SNRNP27: variants seen among roughly 807,000 people sequenced by gnomAD.
The protein encoded by SNRNP27 is small nuclear ribonucleoprotein U4/U6.U5 subunit 27.
SNRNP27 carries 22 observed loss-of-function variants against 25.1 expected under a neutral mutation model. That is an observed-to-expected ratio of 0.88 (90% CI 0.63 to 1.25). The LOEUF (loss-of-function observed/expected upper bound fraction) is 1.25, where lower values mean the gene tolerates loss of function less well. SNRNP27 is among the 50% of genes most tolerant of loss of function. The pLI, the probability that SNRNP27 is intolerant of heterozygous loss-of-function variation, is 0.00. For missense variants in SNRNP27, 150 were observed against 202.3 expected (o/e 0.74, Z 1.57); for synonymous variants, 66 against 64.9 (o/e 1.02, Z -0.08).
intron 4 of SNRNP27, among the ~76,000 whole-genome samples, chr2:69,902,827 C>T (rs1213151578): frequency 6.6e-6 from 1 of 151,612 alleles, no homozygotes; most frequent in African/African-American, 2.4e-5. Context: ...CCGCTGCTGC[C>T]GCTGCCGCTT....
chr2:69,896,547 T>A lies in SNRNP27; in HGVS notation c.267T>A (p.Thr89=), dbSNP rs748117441. 5 of 1,596,938 alleles carry A rather than the reference T, an allele frequency of 3.1e-6. No individual in the cohort carries two copies. Among genetic ancestry groups the A allele is most frequent in the Admixed American group, 1.7e-5 (1 of 59,566 alleles). ...KETKSKERQI[T]EEDLEGKTEE... is the part of the protein sequence containing the mutation. ...CAAAGAGCAAAGAACGGCAGATTAC[T>A]GGTAATGTTATTAGATAAATAACTG... Residue 89 remains threonine, a splice_region_variant and synonymous_variant, in exon 3 of 6, where the codon ACT becomes ACA. Transcript: ENST00000244227.
intron 4 of SNRNP27, 142 bp from the exon 5 acceptor site, chr2:69,903,039 C>A: frequency 1.6e-6 from 1 of 632,224 alleles, no homozygotes; most frequent in Non-Finnish European, 2.9e-6. Flanking sequence ...AACTCCTGGG[C>A]TCAAGCAATC....
intron 4 of SNRNP27, among the ~76,000 whole-genome samples, chr2:69,898,415 T>G (rs1676637907): frequency 2.7e-5 from 1 of 36,962 alleles, no homozygotes; most frequent in South Asian, 7.9e-4. Flanking sequence ...GAGATGGGTA[T>G]AGAGAGAGGA....
chr2:69,896,570 CTG>C (rs774654583), intron 3 of SNRNP27, 22 bp downstream of exon 3: 3 of 1,576,008 alleles, frequency 1.9e-6, no homozygotes, highest in South Asian at 2.3e-5. Context: ...AGATAAATAA[CTG>C]TAGGAAAAGT....
At position 69,897,378 on chromosome 2, in the gene SNRNP27, G is replaced by C; in HGVS notation, c.270G>C (p.Glu90Asp). ...ETKSKERQIT[E>D]EDLEGKTEEE... ...TCACAAAATTATTCTTTTTTGCAGA[G>C]GAAGACTTAGAGGGCAAAACAGAGG... The change falls in exon 4 of 6, where the codon GAG becomes GAC. Residue 90 changes from glutamate to aspartate, a missense_variant and splice_region_variant. By Grantham distance (45) the Glu-to-Asp change is conservative. This residue lies in a region of SNRNP27 where 142 missense variants were observed against 168.6 expected (regional missense o/e 0.84). Transcript: ENST00000244227. 1 of 1,609,096 alleles carries C rather than the reference G, an allele frequency of 6.2e-7. No individual in the cohort carries two copies. The highest frequency in any genetic ancestry group is 8.5e-7 in the Non-Finnish European group (1 of 1,176,980).
intron 4 of SNRNP27, among the ~76,000 whole-genome samples, chr2:69,900,733 C>CTAAG (rs1299994856): frequency 1.1e-4 from 17 of 152,308 alleles, no homozygotes; most frequent in African/African-American, 3.9e-4. Flanking sequence ...TGATACTCAT[C>CTAAG]TAAGTCATTT....
Position 69,895,227 on chromosome 2 carries a change from A to T in SNRNP27, c.155+13A>T. 6.2e-7 allele frequency: 1 copy of T among 1,610,202 alleles called. No homozygotes were observed. The highest frequency in any genetic ancestry group is 1.1e-5 in the South Asian group (1 of 90,472). On this transcript the variant is annotated intron_variant, in intron 2 of 5. Coordinates refer to ENST00000244227, the MANE Select transcript of SNRNP27 (RefSeq NM_006857.3). ...GAAGACGCTCCCGGTAAGGGCAGAA[A>T]ATAAGCCAAGAGTTTTATTTACCGA...
At chr2:69,903,305 TATTA>T (rs1676741414) in intron 5 of SNRNP27, 60 bp downstream of exon 5, 1 of 1,134,928 alleles carries the variant, frequency 8.8e-7, no homozygotes, top group South Asian at 1.2e-5. Context: ...CTTCAAACTT[TATTA>T]TGAGATAATC....
At chr2:69,898,703 G>GTAACTTA (rs1558561536) in intron 4 of SNRNP27, among the ~76,000 whole-genome samples, 2 of 152,102 alleles carry the variant, frequency 1.3e-5, no homozygotes, top group East Asian at 3.8e-4. Context: ...GTGTAACTTA[G>GTAACTTA]GAGTACTGAG....
At chr2:69,902,838 C>A (rs1676729922) in intron 4 of SNRNP27, among the ~76,000 whole-genome samples, 2 of 151,604 alleles carry the variant, frequency 1.3e-5, no homozygotes, top group South Asian at 4.2e-4. Flanking sequence ...GCTGCCGCTT[C>A]TTCTGCTGCT....
rs1676551845 is a variant in SNRNP27 at position 69,893,988 on chromosome 2, G to GGTCGCA, written c.12_17dup (p.Arg7_Ser8dup). 10 of 1,613,980 alleles carry GGTCGCA rather than the reference G, an allele frequency of 6.2e-6. No homozygotes were observed. Among genetic ancestry groups the GGTCGCA allele is most frequent in the South Asian group, 4.4e-5 (4 of 91,062 alleles). ...TTTCCGGGAAGCGGGACTCCAAATGGGTCGCAGTCGCAGCCGCTCTCCACG... is the reference window on the plus strand; with the variant it reads ...TTTCCGGGAAGCGGGACTCCAAATGGGTCGCAGTCGCAGTCGCAGCCGCTCTCCACG... On this transcript the variant is annotated inframe_insertion, in exon 1 of 6. Coordinates refer to ENST00000244227, the MANE Select transcript of SNRNP27 (RefSeq NM_006857.3).
chr2:69,897,559 A>G, intron 4 of SNRNP27, 103 bp downstream of exon 4: 2 of 927,714 alleles, frequency 2.2e-6, no homozygotes, highest in South Asian at 3.0e-5. Flanking sequence ...TTATAAGACA[A>G]TAACTATCTG....
intron 2 of SNRNP27, among the ~76,000 whole-genome samples, chr2:69,895,603 C>T (rs942867377): frequency 1.3e-5 from 2 of 152,144 alleles, no homozygotes; most frequent in African/African-American, 4.8e-5. Context: ...AGTGCAGCGG[C>T]GCAATCTGCT....
Position 69,904,958 on chromosome 2 carries a change from A to G in SNRNP27, c.*650A>G, listed in dbSNP as rs1013302614. ...TGTTATCTACTCCCAGAAATAATCA[A>G]TTTCAACATTTTGGTATATGTTTTT... is the stretch of plus-strand genomic sequence containing the variant. On this transcript the variant is annotated 3_prime_UTR_variant, in exon 6 of 6. Transcript: ENST00000244227. 9 of 152,230 alleles carry G rather than the reference A, an allele frequency of 5.9e-5. No individual in the cohort carries two copies. The highest frequency in any genetic ancestry group is 1.4e-4 in the African/African-American group (6 of 41,436). The allele number at this position is 152,230 out of a possible 1,614,324, so 9.4% of individuals were successfully genotyped here.
At chr2:69,900,334 G>T (rs1308168992) in intron 4 of SNRNP27, among the ~76,000 whole-genome samples, 1 of 152,166 alleles carries the variant, frequency 6.6e-6, no homozygotes, top group Admixed American at 6.5e-5. Context: ...CCAGAAATCA[G>T]TAAACCTTTA....
At chr2:69,903,944 T>C (rs918200265) in intron 5 of SNRNP27, among the ~76,000 whole-genome samples, 1 of 152,166 alleles carries the variant, frequency 6.6e-6, no homozygotes, top group Non-Finnish European at 1.5e-5. Context: ...CTAAATTATA[T>C]GTTTCGTGTT....
chr2:69,895,260 T>C, intron 2 of SNRNP27, 46 bp downstream of exon 2: 1 of 1,601,018 alleles, frequency 6.2e-7, no homozygotes, highest in Non-Finnish European at 8.5e-7. Context: ...CGAAAGTCCC[T>C]AAGAAACTGG....
chr2:69,897,441 C>T lies in SNRNP27; in HGVS notation c.333C>T (p.Ser111=). 1 of 1,612,840 alleles carries T rather than the reference C, an allele frequency of 6.2e-7. No homozygotes were observed. Among genetic ancestry groups the T allele is most frequent in the Non-Finnish European group, 8.5e-7 (1 of 1,179,082 alleles). The part of the protein sequence containing the change: ...IEMMKLMGFA[S]FDSTKGKKVD... ...TGATGAAGTTAATGGGATTTGCCTC[C>T]TTTGACTCCACAAAAGTAAGTAAAA... The change falls in exon 4 of 6, where the codon TCC becomes TCT. Residue 111 remains serine (S), a synonymous_variant. Transcript: ENST00000244227.
At chr2:69,903,115 T>C in intron 4 of SNRNP27, 66 bp from the exon 5 acceptor site, 1 of 1,302,920 alleles carries the variant, frequency 7.7e-7, no homozygotes, top group Non-Finnish European at 1.1e-6. Flanking sequence ...CCACACCTGC[T>C]TTCATGTATC....
Sources: allele counts gnomAD v4.1 joint callset (sites outside exome capture counted in the v4.1 genomes callset), GRCh38; gene constraint gnomAD v4.1.1; regional missense constraint gnomAD v4.1.1; transcripts MANE v1.5; gene names NCBI Gene and HGNC (gene_info 2026-07-23, HGNC 2026-07-21).